The following AACS variants were observed in gnomAD, a reference collection of about 807,000 sequenced individuals.
The protein encoded by AACS is acetoacetate-CoA ligase.
In AACS, 69 loss-of-function variants were observed where a neutral mutation model predicts 83.1. That is an observed-to-expected ratio of 0.83 (90% CI 0.68 to 1.01). AACS has a LOEUF of 1.01. AACS is among the 50% of genes least tolerant of loss of function. The pLI, the probability that AACS is intolerant of heterozygous loss-of-function variation, is 0.00. For missense variants in AACS, 866 were observed against 882.2 expected (o/e 0.98, Z 0.23); for synonymous variants, 333 against 343.4 (o/e 0.97, Z 0.33).
intron 3 of AACS, among the ~76,000 whole-genome samples, chr12:125,077,899 G>C (rs914549755): frequency 7.9e-5 from 12 of 152,016 alleles, no homozygotes; most frequent in Non-Finnish European, 1.6e-4. Context: ...AGTAGAGATG[G>C]GGTTTCCCCA....
chr12:125,081,577 G>A (rs116818071), intron 3 of AACS, among the ~76,000 whole-genome samples: 180 of 152,214 alleles, frequency 1.2e-3, no homozygotes, highest in African/African-American at 3.9e-3. Flanking sequence ...GGTAATCCCC[G>A]TCGAGGCCAT....
At chr12:125,078,017 G>A (rs760683844) in intron 3 of AACS, 60 of 402,146 alleles carry the variant, frequency 1.5e-4, no homozygotes, top group Non-Finnish European at 1.6e-4. Context: ...GCCCCAGTTG[G>A]CAATTTTTAT....
At chr12:125,102,820 G>A (rs767293593) in intron 6 of AACS, 27 bp downstream of exon 6, 64 of 1,595,752 alleles carry the variant, frequency 4.0e-5, no homozygotes, top group Non-Finnish European at 5.2e-5. Flanking sequence ...GCTCCCAGCC[G>A]GCATGGCTGG....
chr12:125,118,684 C>T lies in AACS; in HGVS notation c.1040C>T (p.Thr347Ile). 1 of 1,614,148 alleles carries T rather than the reference C, an allele frequency of 6.2e-7. No homozygotes were observed. The highest frequency in any genetic ancestry group is 8.5e-7 in the Non-Finnish European group (1 of 1,180,008). The stretch of plus-strand genomic sequence containing the variant: ...AACTGGATGGTGTCCCTTCTGGCCA[C>T]AGGAGCGGCCATGGTCTTGTACGAT... Reference protein sequence around the residue: ...MWNWMVSLLATGAAMVLYDGS... With the variant: ...MWNWMVSLLAIGAAMVLYDGS... The change falls in exon 10 of 18, where the codon ACA becomes ATA. Residue 347 changes from threonine to isoleucine, a missense_variant. Thr to Ile is a moderately conservative substitution (Grantham distance 89). Coordinates refer to ENST00000316519, the MANE Select transcript of AACS (RefSeq NM_023928.5).
At chr12:125,119,435 T>G (rs1957115592) in intron 10 of AACS, among the ~76,000 whole-genome samples, 1 of 152,162 alleles carries the variant, frequency 6.6e-6, no homozygotes, top group Admixed American at 6.5e-5. Context: ...TATGAAGAAA[T>G]GTCTAACAGT....
At chr12:125,126,144 G>A (rs1957242059) in intron 12 of AACS, 1 of 152,058 alleles carries the variant, frequency 6.6e-6, no homozygotes, top group African/African-American at 2.4e-5. Context: ...ATTTTTAGTA[G>A]AGATGAGATT....
In AACS at chr12:125,124,885, G is replaced by A. The variant is rs767931673; in HGVS notation, c.1187-17G>A. The A allele has an allele frequency of 2.5e-6, 4 of 1,614,104 alleles. No homozygotes were observed. Among genetic ancestry groups the A allele is most frequent in the Non-Finnish European group, 3.4e-6 (4 of 1,180,018 alleles). On this transcript the variant is annotated splice_polypyrimidine_tract_variant and intron_variant, in intron 11 of 17. Transcript: ENST00000316519. ...CACTGGGTTTAGTTTTAATCTTTTG[G>A]TGACTCTGCACCCCAGTGGAAACCC...
chr12:125,091,408 C>G lies in AACS; in HGVS notation c.473-18C>G, dbSNP rs1390948313. 2.5e-6 allele frequency: 4 copies of G among 1,613,680 alleles called. No individual in the cohort carries two copies. The highest frequency in any genetic ancestry group is 1.7e-6 in the Non-Finnish European group (2 of 1,179,702). On this transcript the variant is annotated intron_variant, in intron 4 of 17. Coordinates refer to ENST00000316519, the MANE Select transcript of AACS (RefSeq NM_023928.5). ...ATACACCCTGAACCCAAGGCTTCTTCCTATGTTTTCTCCACAGGTTATTTA... is the reference window on the plus strand; with the variant it reads ...ATACACCCTGAACCCAAGGCTTCTTGCTATGTTTTCTCCACAGGTTATTTA...
chr12:125,102,426 C>T, intron 5 of AACS: 1 of 398,048 alleles, frequency 2.5e-6, no homozygotes, highest in South Asian at 2.2e-5. Context: ...TGCCCTTTCT[C>T]TCCCGTGAAA....
chr12:125,138,406 T>C (rs1214204885), intron 17 of AACS: 1 of 152,218 alleles, frequency 6.6e-6, no homozygotes, highest in Non-Finnish European at 1.5e-5. Flanking sequence ...AGGTACTTCT[T>C]GAATCAGTGA....
In AACS at chr12:125,119,127, A is replaced by G. The variant is rs1044502168; in HGVS notation, c.1121+362A>G. Among the ~76,000 whole-genome samples, 4 of 152,356 alleles carry G rather than the reference A, an allele frequency of 2.6e-5. No individual in the cohort carries two copies. In the East Asian group the frequency reaches 5.8e-4, roughly 22 times the overall value. ...CACGCGGCATGGTATTTTGCTGTGTATACGTATAGTGAAATGAGTACTGCA... is the reference window on the plus strand; with the variant it reads ...CACGCGGCATGGTATTTTGCTGTGTGTACGTATAGTGAAATGAGTACTGCA... On this transcript the variant is annotated intron_variant, in intron 10 of 17. Coordinates refer to ENST00000316519, the MANE Select transcript of AACS (RefSeq NM_023928.5).
intron 5 of AACS, 127 bp downstream of exon 5, chr12:125,091,650 C>A: frequency 1.1e-6 from 1 of 906,210 alleles, no homozygotes; most frequent in Non-Finnish European, 1.8e-6. Context: ...GGTGGCGTTG[C>A]AGCTGCCTCT....
intron 8 of AACS, among the ~76,000 whole-genome samples, chr12:125,109,162 C>G (rs1424242911): frequency 6.6e-6 from 1 of 151,362 alleles, no homozygotes; most frequent in Non-Finnish European, 1.5e-5. Context: ...GATAGTTTCT[C>G]ACTTTGTTGT....
intron 3 of AACS, among the ~76,000 whole-genome samples, chr12:125,084,663 CA>C (rs1956288742): frequency 6.6e-6 from 1 of 151,758 alleles, no homozygotes; most frequent in Non-Finnish European, 1.5e-5. Context: ...ATGGCAGCCT[CA>C]ACCTCCTGAG....
intron 2 of AACS, among the ~76,000 whole-genome samples, chr12:125,074,732 T>G (rs941719426): frequency 6.7e-6 from 1 of 148,258 alleles, no homozygotes; most frequent in Non-Finnish European, 1.5e-5. Flanking sequence ...GGGGCCATCT[T>G]AGTATACTGC....
At chr12:125,119,729 A>G (rs1392234485) in intron 10 of AACS, 2 of 152,294 alleles carry the variant, frequency 1.3e-5, no homozygotes, top group Non-Finnish European at 2.9e-5. Context: ...ACAGTTAAAG[A>G]TGAGATTTGG....
At chr12:125,083,052 C>T (rs139985122) in intron 3 of AACS, among the ~76,000 whole-genome samples, 2 of 152,348 alleles carry the variant, frequency 1.3e-5, no homozygotes, top group Non-Finnish European at 2.9e-5. Context: ...TAGTTTAGAA[C>T]AAACATTTCT....
chr12:125,072,156 G>A lies in AACS; in HGVS notation c.134-1720G>A, dbSNP rs915046217. ...ACAGGCGTGAGCCACCGCTCCTGGC[G>A]CTTTTTTTTTTTTTTTAAATGGGGT... is the stretch of plus-strand genomic sequence containing the variant. On this transcript the variant is annotated intron_variant, in intron 1 of 17. Transcript: ENST00000316519. Among the ~76,000 whole-genome samples, 7 of 129,772 alleles carry A rather than the reference G, an allele frequency of 5.4e-5. No homozygotes were observed. In the South Asian group the frequency reaches 1.2e-3, roughly 23 times the overall value. 85.1% of individuals were successfully genotyped at this position (129,772 alleles called of 152,430 possible).
At chr12:125,066,345 T>G (rs1348622431) in intron 1 of AACS, among the ~76,000 whole-genome samples, 1 of 151,818 alleles carries the variant, frequency 6.6e-6, no homozygotes, top group Non-Finnish European at 1.5e-5. Context: ...CAAAGGCTCC[T>G]TCTCCGTGGG....
Sources: allele counts gnomAD v4.1 joint callset (sites outside exome capture counted in the v4.1 genomes callset), GRCh38; gene constraint gnomAD v4.1.1; transcripts MANE v1.5; gene names NCBI Gene and HGNC (gene_info 2026-07-23, HGNC 2026-07-21).